The following COL4A5 variants were observed in gnomAD, a reference collection of about 807,000 sequenced individuals.
COL4A5 encodes collagen alpha-5(IV) chain.
In COL4A5, 26 loss-of-function variants were observed where a neutral mutation model predicts 130.2. The ratio of observed to expected loss-of-function variants is 0.20; its 90% CI spans 0.15 to 0.28. The LOEUF (loss-of-function observed/expected upper bound fraction) is 0.28, where lower values mean the gene tolerates loss of function less well. Among genes scored for constraint, COL4A5 ranks in the 10% least tolerant of loss-of-function variants. The pLI, the probability that COL4A5 is intolerant of heterozygous loss-of-function variation, is 1.00. For synonymous variants in COL4A5, 496 were observed against 439.6 expected (o/e 1.13, Z -1.60); for missense variants, 1,131 against 1,344.3 (o/e 0.84, Z 2.48).
intron 1 of COL4A5, among the ~76,000 whole-genome samples, chrX:108,500,874 G>A (rs918503285): frequency 9.0e-5 from 10 of 111,350 alleles, no homozygotes; most frequent in African/African-American, 3.3e-4. Context: ...TCAGACCAAC[G>A]AGTGAGGGAT....
chrX:108,615,109 G>A (rs1335751060), intron 30 of COL4A5, 85 bp downstream of exon 30: 4 of 687,218 alleles, frequency 5.8e-6, no homozygotes, highest in Non-Finnish European at 9.2e-6. Context: ...CTACAAAACA[G>A]TCTTCCAGAA....
intron 2 of COL4A5, among the ~76,000 whole-genome samples, chrX:108,556,540 AT>A (rs2065824775): frequency 8.9e-6 from 1 of 111,760 alleles, no homozygotes; most frequent in Non-Finnish European, 1.9e-5. Context: ...TACGAATGAT[AT>A]TTTTATGCAA....
chrX:108,661,093 T>G lies in COL4A5; in HGVS notation c.3374-4414T>G, dbSNP rs901140698. 2.7e-5 allele frequency among the ~76,000 whole-genome samples: 3 copies of G among 112,381 alleles called. No homozygotes were observed. In the South Asian group the frequency reaches 1.1e-3, roughly 41 times the overall value. On this transcript the variant is annotated intron_variant, in intron 37 of 52. Transcript: ENST00000328300. Reference sequence around the variant, plus strand: ...AATAGGCTCTGCTATACGGCCTAAATGTATAATAGGCCATACCATCTAAGT... The same window carrying G: ...AATAGGCTCTGCTATACGGCCTAAAGGTATAATAGGCCATACCATCTAAGT...
intron 36 of COL4A5, among the ~76,000 whole-genome samples, chrX:108,638,993 C>T (rs926410995): frequency 4.5e-5 from 5 of 110,986 alleles, no homozygotes; most frequent in African/African-American, 1.6e-4. Context: ...TACACAGATT[C>T]AATGCAACGC....
At chrX:108,625,463 G>C (rs1350188529) in intron 34 of COL4A5, among the ~76,000 whole-genome samples, 1 of 112,017 alleles carries the variant, frequency 8.9e-6, no homozygotes, top group Non-Finnish European at 1.9e-5. Context: ...GAAACAAGGT[G>C]TTCTGGTAAC....
chrX:108,623,762 G>T (rs989173416), intron 33 of COL4A5, among the ~76,000 whole-genome samples: 1 of 111,746 alleles, frequency 8.9e-6, no homozygotes, highest in Non-Finnish European at 1.9e-5. Context: ...AAATATTAAT[G>T]CAGTGTTGTA....
In COL4A5 at chrX:108,595,595, C is replaced by T. The variant is rs1569493681; in HGVS notation, c.1510C>T (p.Pro504Ser). ...ACCTGGTTTGCCAGGTCTCCCAGGT[C>T]CTCCAGGTAAATTATGCCTCAGGGT... is the stretch of plus-strand genomic sequence containing the variant. ...GQPGLPGLPG[P>S]PGSLGFPGQK... is the part of the protein sequence containing the mutation. The change falls in exon 22 of 53, where the codon CCT (proline) becomes TCT (serine). Residue 504 changes from proline to serine, a missense_variant. Coordinates refer to ENST00000328300, the MANE Select transcript of COL4A5 (RefSeq NM_033380.3). The T allele has an allele frequency of 8.3e-7, 1 of 1,208,995 alleles. No homozygotes were observed.
At chrX:108,613,472 A>C (rs1294502858) in intron 29 of COL4A5, among the ~76,000 whole-genome samples, 2 of 112,032 alleles carry the variant, frequency 1.8e-5, no homozygotes, top group Admixed American at 1.9e-4. Context: ...TAAAAGAAAA[A>C]TTGGATATAT....
At chrX:108,649,279 A>G (rs1020006295) in intron 36 of COL4A5, among the ~76,000 whole-genome samples, 2 of 112,342 alleles carry the variant, frequency 1.8e-5, no homozygotes, top group African/African-American at 6.5e-5. Context: ...ATGGAAACAC[A>G]TCCCATGCTC....
At chrX:108,526,725 C>CTTTCTTTCTTTT (rs1239694615) in intron 1 of COL4A5, among the ~76,000 whole-genome samples, 1 of 80,321 alleles carries the variant, frequency 1.2e-5, no homozygotes, top group Non-Finnish European at 2.5e-5. Flanking sequence ...TTCTTTCTTT[C>CTTTCTTTCTTTT]TTCCTCCTCC....
chrX:108,626,189 T>C, intron 35 of COL4A5, 21 bp from the exon 36 acceptor site: 1 of 1,195,616 alleles, frequency 8.4e-7, no homozygotes, highest in Non-Finnish European at 1.1e-6. Context: ...TAAAATATTA[T>C]ATATCACATA....
intron 36 of COL4A5, among the ~76,000 whole-genome samples, chrX:108,628,495 T>G (rs2147877228): frequency 9.0e-6 from 1 of 111,711 alleles, no homozygotes; most frequent in East Asian, 2.8e-4. Flanking sequence ...CATTATTGTT[T>G]ATATTTGAAT....
intron 1 of COL4A5, among the ~76,000 whole-genome samples, chrX:108,504,813 CTA>C (rs938477644): frequency 8.9e-6 from 1 of 112,121 alleles, no homozygotes; most frequent in African/African-American, 3.2e-5. Context: ...AGTACAACCT[CTA>C]TGGAAAACAG....
intron 2 of COL4A5, among the ~76,000 whole-genome samples, chrX:108,551,024 C>G (rs1374745534): frequency 9.0e-6 from 1 of 111,335 alleles, no homozygotes; most frequent in African/African-American, 3.3e-5. Context: ...CGTGTAAGAC[C>G]TCAAACTATA....
At chrX:108,652,905 A>G (rs1225252683) in intron 36 of COL4A5, among the ~76,000 whole-genome samples, 1 of 111,935 alleles carries the variant, frequency 8.9e-6, no homozygotes, top group Non-Finnish European at 1.9e-5. Flanking sequence ...AAAGCTTGAC[A>G]TTAGAACAGA....
rs2147810230 is a variant in COL4A5, at chrX:108,597,451, A to G, written c.1662A>G (p.Pro554=). Reference sequence around the variant, plus strand: ...AACCTGGTGATATCCTCACTTTTCCAGGAATGAAGGGTGACAAAGGAGAGT... The same window carrying G: ...AACCTGGTGATATCCTCACTTTTCCGGGAATGAAGGGTGACAAAGGAGAGT... ...KGEPGDILTF[P]GMKGDKGELG... is the part of the protein sequence containing the mutation. The change falls in exon 24 of 53, where the codon CCA becomes CCG. Residue 554 remains proline, a synonymous_variant. Coordinates refer to ENST00000328300, the MANE Select transcript of COL4A5 (RefSeq NM_033380.3). 8.3e-7 allele frequency: 1 copy of G among 1,209,791 alleles called. No individual in the cohort carries two copies.
chrX:108,665,820 G>T (rs1014271922), intron 38 of COL4A5, among the ~76,000 whole-genome samples: 1 of 112,152 alleles, frequency 8.9e-6, no homozygotes, highest in African/African-American at 3.2e-5. Context: ...GGAGGCCGAG[G>T]TGGGAGGATC....
intron 1 of COL4A5, among the ~76,000 whole-genome samples, chrX:108,454,121 T>C (rs1010538969): frequency 8.0e-5 from 9 of 112,359 alleles, no homozygotes; most frequent in Non-Finnish European, 1.7e-4. Context: ...GAAATAGTTG[T>C]TGAATGAATG....
rs141638755 is a variant in COL4A5 at position 108,613,397 on chromosome X, A to T, written c.2396-1514A>T. ...CATCCCTTGTTTTAGATGAAGAAGC[A>T]TAAGAGAAAACTCTGTGATCAGATG... is the stretch of plus-strand genomic sequence containing the variant. On this transcript the variant is annotated intron_variant, in intron 29 of 52. Transcript: ENST00000328300. Among the ~76,000 whole-genome samples, 516 of 112,374 alleles carry T rather than the reference A, an allele frequency of 4.6e-3. 10 individuals carry two copies. The East Asian group carries it at 0.076, about 17-fold the overall frequency.
Sources: gnomAD v4.1 joint callset for allele counts (sites outside exome capture counted in the v4.1 genomes callset) on GRCh38, gnomAD v4.1.1 for gene constraint, MANE v1.5 for transcripts, NCBI Gene and HGNC (gene_info 2026-07-23, HGNC 2026-07-21) for gene names.